NECAB2: variants seen among roughly 807,000 people sequenced by gnomAD.
NECAB2 encodes N-terminal EF-hand calcium-binding protein 2.
A neutral mutation model predicts 51.9 loss-of-function variants in NECAB2; 68 were observed. The observed-to-expected ratio is 1.31, with a 90% CI of 1.08 to 1.60. NECAB2 has a LOEUF of 1.60. Ranked by LOEUF, NECAB2 falls within the 40% of genes most tolerant of loss-of-function variation. The pLI, the probability that NECAB2 is intolerant of heterozygous loss-of-function variation, is 0.00. For missense variants in NECAB2, 854 were observed against 490.3 expected, an observed-to-expected ratio of 1.74 and a Z score of -7.00; for synonymous variants, 329 against 203.5, an observed-to-expected ratio of 1.62 and a Z score of -5.25.
intron 2 of NECAB2, among the ~76,000 whole-genome samples, chr16:83,975,363 C>T (rs144238583): frequency 6.6e-6 from 1 of 151,942 alleles, no homozygotes; most frequent in African/African-American, 2.4e-5. Flanking sequence ...GGGATGAGAA[C>T]AGGTGTGCAG....
chr16:83,996,834 T>C lies in NECAB2; in HGVS notation c.796-382T>C, dbSNP rs77528574. Among the ~76,000 whole-genome samples the C allele has an allele frequency of 5.6e-3, 851 of 152,228 alleles. 10 individuals are homozygous for C. The highest frequency in any genetic ancestry group is 0.02 in the African/African-American group (815 of 41,540). On this transcript the variant is annotated intron_variant, in intron 8 of 12. Transcript: ENST00000305202. ...TTGTGTATTTGTAAACCATCTAGCT[T>C]AGAGTCTGGGGAAGACCAGAGAGAA... is the stretch of plus-strand genomic sequence containing the variant.
At position 83,996,814 on chromosome 16, in the gene NECAB2, T is replaced by G. The variant is rs112993151; in HGVS notation, c.796-402T>G. ...TCCCTGGGGAGTCTGGAAGATTGTG[T>G]ATTTGTAAACCATCTAGCTTAGAGT... On this transcript the variant is annotated intron_variant, in intron 8 of 12. Coordinates refer to ENST00000305202, the MANE Select transcript of NECAB2 (RefSeq NM_019065.3). 5.6e-3 allele frequency among the ~76,000 whole-genome samples: 851 copies of G among 152,266 alleles called. 10 individuals carry two copies. The highest frequency in any genetic ancestry group is 0.02 in the African/African-American group (815 of 41,532).
At chr16:83,967,934 A>G, upstream of NECAB2, among the ~76,000 whole-genome samples, 1 of 140,992 alleles carries the variant, frequency 7.1e-6, no homozygotes, top group African/African-American at 2.7e-5. Flanking sequence ...GGATGGGAGG[A>G]TGGGTGGATG....
chr16:83,997,837 A>G (rs983490072), intron 9 of NECAB2, among the ~76,000 whole-genome samples: 3 of 152,152 alleles, frequency 2.0e-5, no homozygotes, highest in African/African-American at 7.2e-5. Context: ...GGCATAGAGC[A>G]AAGTGATCAG....
chr16:83,998,045 CCCATTTTTAGT>C (rs767276769), intron 9 of NECAB2, among the ~76,000 whole-genome samples, 149 bp from the exon 10 acceptor site: 29 of 152,066 alleles, frequency 1.9e-4, no homozygotes, highest in Non-Finnish European at 3.8e-4. Context: ...CCTTTCTTAG[CCCATTTTTAGT>C]CCATTCTTAT....
chr16:83,987,480 A>G (rs1332805135), intron 5 of NECAB2, among the ~76,000 whole-genome samples: 2 of 152,232 alleles, frequency 1.3e-5, no homozygotes, highest in African/African-American at 4.8e-5. Flanking sequence ...GTAAAGTATA[A>G]AGAAAATTCA....
chr16:83,981,003 C>G, intron 4 of NECAB2, 27 bp from the exon 5 acceptor site: 1 of 1,610,660 alleles, frequency 6.2e-7, no homozygotes, highest in East Asian at 2.2e-5. Flanking sequence ...GACCTGTGAC[C>G]CCTGACCTTT....
At chr16:83,996,053 A>G (rs904222724) in intron 8 of NECAB2, among the ~76,000 whole-genome samples, 3 of 152,236 alleles carry the variant, frequency 2.0e-5, no homozygotes, top group Non-Finnish European at 2.9e-5. Flanking sequence ...CCGGGCGGTC[A>G]GCAGGGGCCA....
intron 6 of NECAB2, 72 bp from the exon 7 acceptor site, chr16:83,994,230 G>C (rs61456450): frequency 1.5e-6 from 2 of 1,348,892 alleles, no homozygotes; most frequent in East Asian, 2.3e-5. Context: ...AAATGCCTGT[G>C]GAAGATGCTG....
intron 6 of NECAB2, 26 bp downstream of exon 6, chr16:83,990,656 C>T: frequency 6.2e-7 from 1 of 1,612,988 alleles, no homozygotes; most frequent in African/African-American, 1.3e-5. Context: ...CCTGCAGGGT[C>T]CCATGGGGGT....
At chr16:83,977,838 C>G (rs2084433007) in intron 2 of NECAB2, among the ~76,000 whole-genome samples, 1 of 152,194 alleles carries the variant, frequency 6.6e-6, no homozygotes, top group African/African-American at 2.4e-5. Flanking sequence ...CTTCTGTACT[C>G]TAAGAACAGT....
intron 5 of NECAB2, among the ~76,000 whole-genome samples, chr16:83,985,492 G>A (rs1211784557): frequency 6.6e-6 from 1 of 151,298 alleles, no homozygotes; most frequent in Non-Finnish European, 1.5e-5. Flanking sequence ...AATTAGCTGG[G>A]CGTGGTGGCA....
In NECAB2 at chr16:83,990,493, G is replaced by C. The variant is rs768412476; in HGVS notation, c.460-1G>C. On this transcript the variant is annotated splice_acceptor_variant, in intron 5 of 12. Transcript: ENST00000305202. LOFTEE classifies it high-confidence loss of function. ...CAGTGCCTCTTCTCTTCCTTCCACA[G>C]GTATATGAGGGTGGGAGCAACGTGG... 27 of 1,613,934 alleles carry C rather than the reference G, an allele frequency of 1.7e-5. No homozygotes were observed. The highest frequency in any genetic ancestry group is 2.2e-5 in the Non-Finnish European group (26 of 1,180,002).
In NECAB2 at chr16:83,992,119, C is replaced by A. The variant is rs2084633145; in HGVS notation, c.596+1489C>A. ...GCCACCTCTCTGTTAAAAAGAGAGA[C>A]TGGGGGGAAATCAGAGAGGTGTTGA... On this transcript the variant is annotated intron_variant, in intron 6 of 12. Transcript: ENST00000305202. 4.8e-5 allele frequency among the ~76,000 whole-genome samples: 7 copies of A among 144,554 alleles called. No individual in the cohort carries two copies. In the South Asian group the frequency reaches 1.5e-3, roughly 31 times the overall value. 94.8% of individuals were successfully genotyped at this position (144,554 alleles called of 152,430 possible).
intron 10 of NECAB2, among the ~76,000 whole-genome samples, chr16:83,999,761 C>G (rs377400454): frequency 3.9e-5 from 6 of 152,116 alleles, no homozygotes; most frequent in African/African-American, 1.4e-4. Flanking sequence ...CCCAGCACCC[C>G]CTCCCCTCAG....
At chr16:83,975,422 C>T (rs775848416) in intron 2 of NECAB2, among the ~76,000 whole-genome samples, 15 of 152,144 alleles carry the variant, frequency 9.9e-5, no homozygotes, top group African/African-American at 3.1e-4. Flanking sequence ...CACAGGACTG[C>T]TCAACACTGA....
chr16:83,966,278 C>A (rs934524979), upstream of NECAB2: 43 of 504,978 alleles, frequency 8.5e-5, no homozygotes, highest in Non-Finnish European at 2.1e-5. Context: ...GCCAGGAGAC[C>A]TGCAGCCCTG....
intron 2 of NECAB2, among the ~76,000 whole-genome samples, chr16:83,974,432 C>G (rs777302551): frequency 6.6e-5 from 10 of 152,178 alleles, no homozygotes; most frequent in Non-Finnish European, 8.8e-5. Context: ...TCAAATGCCT[C>G]GGAAATGGGA....
At position 84,002,416 on chromosome 16, in the gene NECAB2, T is replaced by TAGAC. The variant is rs926895716; in HGVS notation, c.*76_*79dup. 19 of 1,541,812 alleles carry TAGAC rather than the reference T, an allele frequency of 1.2e-5. No individual in the cohort carries two copies. The highest frequency in any genetic ancestry group is 4.1e-5 in the African/African-American group (3 of 72,952). On this transcript the variant is annotated 3_prime_UTR_variant, in exon 13 of 13. Transcript: ENST00000305202. ...TTGTGAAGGAAATCCCGTTTTTTTC[T>TAGAC]AGACAGACACTTTGGTGCAGAAGCT...
Sources: allele counts gnomAD v4.1 joint callset (sites outside exome capture counted in the v4.1 genomes callset), GRCh38; gene constraint gnomAD v4.1.1; transcripts MANE v1.5; gene names NCBI Gene and HGNC (gene_info 2026-07-23, HGNC 2026-07-21).